Variants in ADAMTS20 observed in about 807,000 individuals in gnomAD.
ADAMTS20 encodes A disintegrin and metalloproteinase with thrombospondin motifs 20.
In ADAMTS20, 225 loss-of-function variants were observed where a neutral mutation model predicts 260.1. That is an observed-to-expected ratio of 0.87 (90% CI 0.78 to 0.97). The LOEUF (loss-of-function observed/expected upper bound fraction) is 0.97. ADAMTS20 is among the 50% of genes least tolerant of loss of function. The pLI is 0.00. For synonymous variants in ADAMTS20, 802 were observed against 769.5 expected, an observed-to-expected ratio of 1.04 and a Z score of -0.70; for missense variants, 2,400 against 2,337.7, an observed-to-expected ratio of 1.03 and a Z score of -0.55.
chr12:43,361,268 T>G (rs1939861584), intron 37 of ADAMTS20, among the ~76,000 whole-genome samples: 1 of 152,268 alleles, frequency 6.6e-6, no homozygotes. Context: ...AGAGTATTCA[T>G]GCAAATGCTG....
At chr12:43,386,470 T>C (rs978848522) in intron 29 of ADAMTS20, among the ~76,000 whole-genome samples, 2 of 152,194 alleles carry the variant, frequency 1.3e-5, no homozygotes, top group African/African-American at 4.8e-5. Context: ...GTCTTGGGGT[T>C]GCTTTTCTCC....
chr12:43,452,111 G>A (rs958935144), intron 14 of ADAMTS20, among the ~76,000 whole-genome samples, 163 bp downstream of exon 14: 3 of 152,008 alleles, frequency 2.0e-5, no homozygotes, highest in African/African-American at 7.3e-5. Flanking sequence ...CAGTAACCAG[G>A]CTAACCATAC....
At chr12:43,470,619 C>T (rs898044224) in intron 7 of ADAMTS20, among the ~76,000 whole-genome samples, 17 of 152,306 alleles carry the variant, frequency 1.1e-4, no homozygotes, top group Middle Eastern at 3.4e-3. Flanking sequence ...TACAGGTTCC[C>T]TGTGTTTGGA....
chr12:43,382,829 A>G (rs1940383192), intron 31 of ADAMTS20, among the ~76,000 whole-genome samples: 1 of 86,986 alleles, frequency 1.1e-5, no homozygotes, highest in African/African-American at 6.2e-5. Context: ...GGCTTAGATA[A>G]AAAAACAGAC....
chr12:43,464,720 C>T lies in ADAMTS20; in HGVS notation c.1380G>A (p.Gly460=). Residue 460 remains glycine, a synonymous_variant, in exon 10 of 39, where the codon GGG becomes GGA. Coordinates refer to ENST00000389420, the MANE Select transcript of ADAMTS20 (RefSeq NM_025003.5). ...YVTEFLDTGY[G]ECLLDKPDEE... is the part of the protein sequence containing the mutation. Reference sequence around the variant, plus strand: ...CATCTGGTTTGTCAAGAAGACATTCCCCGTAACCAGTACTGTAACAGTGAC... The same window carrying T: ...CATCTGGTTTGTCAAGAAGACATTCTCCGTAACCAGTACTGTAACAGTGAC... 1.9e-6 allele frequency: 3 copies of T among 1,612,494 alleles called. No homozygotes were observed. The highest frequency in any genetic ancestry group is 2.5e-6 in the Non-Finnish European group (3 of 1,179,090).
At position 43,431,315 on chromosome 12, in the gene ADAMTS20, C is replaced by G; in HGVS notation, c.3261+17G>C. Reference sequence around the variant, plus strand: ...TAAAGATAGATCAAATTAGAAAAACCCATATCATATACTCACAGGACCCCA... The same window carrying G: ...TAAAGATAGATCAAATTAGAAAAACGCATATCATATACTCACAGGACCCCA... On this transcript the variant is annotated intron_variant, in intron 22 of 38. Coordinates refer to ENST00000389420, the MANE Select transcript of ADAMTS20 (RefSeq NM_025003.5). 1.2e-6 allele frequency: 2 copies of G among 1,610,134 alleles called. No homozygotes were observed. The highest frequency in any genetic ancestry group is 1.7e-6 in the Non-Finnish European group (2 of 1,178,378).
chr12:43,421,131 C>A (rs573180410), intron 28 of ADAMTS20, among the ~76,000 whole-genome samples: 1 of 151,750 alleles, frequency 6.6e-6, no homozygotes, highest in South Asian at 2.1e-4. Flanking sequence ...TCTGACAGTG[C>A]TTCTATTTGT....
Position 43,354,310 on chromosome 12 carries a change from A to T in ADAMTS20, c.5644-12T>A. On this transcript the variant is annotated splice_polypyrimidine_tract_variant and intron_variant, in intron 38 of 38. Transcript: ENST00000389420. ...AATCTAGTTCCATCCTGAAAATCGG[A>T]AGAAGAAATACAGAAGAATCTTATA... 1 of 1,561,038 alleles carries T rather than the reference A, an allele frequency of 6.4e-7. No individual in the cohort carries two copies. Among genetic ancestry groups the T allele is most frequent in the South Asian group, 1.2e-5 (1 of 85,106 alleles).
intron 28 of ADAMTS20, chr12:43,423,732 T>G (rs975095790): frequency 1.4e-6 from 1 of 702,366 alleles, no homozygotes; most frequent in Non-Finnish European, 2.6e-6. Flanking sequence ...TCTCCCCAAG[T>G]AAACTGTAAA....
intron 7 of ADAMTS20, among the ~76,000 whole-genome samples, chr12:43,470,917 A>C (rs1220449164): frequency 1.3e-5 from 2 of 152,368 alleles, no homozygotes; most frequent in South Asian, 2.1e-4. Flanking sequence ...ATAAAATTAG[A>C]ATAAGAGTTG....
intron 9 of ADAMTS20, among the ~76,000 whole-genome samples, chr12:43,465,779 G>A (rs377371370): frequency 1.3e-5 from 2 of 152,004 alleles, no homozygotes; most frequent in African/African-American, 2.4e-5. Flanking sequence ...CAAGTATTAA[G>A]TTGTGCTTTT....
chr12:43,472,015 G>T (rs1409927664), intron 7 of ADAMTS20, among the ~76,000 whole-genome samples: 1 of 152,090 alleles, frequency 6.6e-6, no homozygotes, highest in African/African-American at 2.4e-5. Context: ...AGAGAAGAAG[G>T]CTTCAGAAAA....
chr12:43,520,758 G>T (rs780273287), intron 3 of ADAMTS20, among the ~76,000 whole-genome samples: 1 of 152,078 alleles, frequency 6.6e-6, no homozygotes, highest in African/African-American at 2.4e-5. Context: ...GGGCATGGTC[G>T]TGGCCATATT....
intron 8 of ADAMTS20, 35 bp from the exon 9 acceptor site, chr12:43,466,830 A>C: frequency 1.4e-5 from 20 of 1,472,034 alleles, no homozygotes; most frequent in Non-Finnish European, 1.5e-5. Context: ...AAGGAATATC[A>C]AAAGATGCTT....
Position 43,462,506 on chromosome 12 carries a change from C to A in ADAMTS20, c.1614+389G>T, listed in dbSNP as rs2220864. Among the ~76,000 whole-genome samples, 1,368 of 152,214 alleles carry A rather than the reference C, an allele frequency of 9.0e-3. 12 individuals carry two copies. Among genetic ancestry groups the A allele is most frequent in the Middle Eastern group, 0.021 (6 of 292 alleles). ...GTCTAAAGAAGCCACTTAAAACTTT[C>A]AATTGTATTAACGGAATTTTAAGGG... is the stretch of plus-strand genomic sequence containing the variant. On this transcript the variant is annotated intron_variant, in intron 11 of 38. Transcript: ENST00000389420.
chr12:43,460,984 A>ATTTTTTTTTTTTT, intron 11 of ADAMTS20, among the ~76,000 whole-genome samples: 1 of 39,684 alleles, frequency 2.5e-5, no homozygotes, highest in Non-Finnish European at 4.6e-5. Context: ...ATATATATAT[A>ATTTTTTTTTTTTT]TATATTTTTT....
Position 43,452,421 on chromosome 12 carries a change from GA to G in ADAMTS20, c.1943-12del. On this transcript the variant is annotated splice_polypyrimidine_tract_variant and intron_variant, in intron 13 of 38. Transcript: ENST00000389420. ...GATCCTTTGTGCCAACTGTAAAAAA[GA>G]AAAAGGTCAAATTTTTAATGTATAA... 1.2e-6 allele frequency: 2 copies of G among 1,604,870 alleles called. No individual in the cohort carries two copies. Among genetic ancestry groups the G allele is most frequent in the Non-Finnish European group, 8.5e-7 (1 of 1,177,488 alleles).
chr12:43,497,357 G>C (rs547396607), intron 4 of ADAMTS20, among the ~76,000 whole-genome samples: 10 of 152,214 alleles, frequency 6.6e-5, no homozygotes, highest in Admixed American at 5.9e-4. Context: ...ATAATTTCTA[G>C]ATAGAGCTTT....
At chr12:43,547,464 C>T (rs1481457232) in intron 2 of ADAMTS20, among the ~76,000 whole-genome samples, 1 of 152,156 alleles carries the variant, frequency 6.6e-6, no homozygotes, top group African/African-American at 2.4e-5. Context: ...TTGCATTGTT[C>T]AAAGGGACTG....
Sources: gnomAD v4.1 joint callset for allele counts (sites outside exome capture counted in the v4.1 genomes callset) on GRCh38, gnomAD v4.1.1 for gene constraint, MANE v1.5 for transcripts, NCBI Gene and HGNC (gene_info 2026-07-23, HGNC 2026-07-21) for gene names.